Variants in H2AC4 observed in about 807,000 individuals in gnomAD.
The protein encoded by H2AC4 is histone H2A type 1-B/E.
Under a neutral mutation model 6.1 loss-of-function variants are expected in H2AC4, and 8 were observed. That is an observed-to-expected ratio of 1.31 (90% CI 0.77 to 2.36). H2AC4 has a LOEUF of 2.36. H2AC4 is among the 30% of genes most tolerant of loss of function. The pLI is 0.00. For synonymous variants in H2AC4, 129 were observed against 78.4 expected, an observed-to-expected ratio of 1.64 and a Z score of -3.41; for missense variants, 260 against 180.4, an observed-to-expected ratio of 1.44 and a Z score of -2.53.
At position 26,033,569 on chromosome 6, in the gene H2AC4, A is replaced by T. The variant is rs147399529; in HGVS notation, c.-1T>A. 3.7e-4 allele frequency: 573 copies of T among 1,528,438 alleles called. 4 individuals are homozygous for T. Among genetic ancestry groups the T allele is most frequent in the Middle Eastern group, 2.4e-3 (14 of 5,922 alleles). The allele number at this position is 1,528,438 out of a possible 1,614,324, so 94.7% of individuals were successfully genotyped here. On this transcript the variant is annotated 5_prime_UTR_variant, in exon 1 of 1. Transcript: ENST00000615868. ...CGCCTTGTTTGCCGCGACCAGACATAACTACTTCTGATAAGGGAAAATCGC... is the reference window on the plus strand; with the variant it reads ...CGCCTTGTTTGCCGCGACCAGACATTACTACTTCTGATAAGGGAAAATCGC...
At position 26,033,538 on chromosome 6, in the gene H2AC4, C is replaced by A. The variant is rs765574499; in HGVS notation, c.31G>T (p.Ala11Ser). ...GACCGAGTCTTAGCCTTGGCGCGAG[C>A]TTTACCGCCTTGTTTGCCGCGACCA... The part of the protein sequence containing the change: MSGRGKQGGK[A>S]RAKAKTRSSR... The change falls in exon 1 of 1, where the codon GCT (alanine) becomes TCT (serine). Residue 11 changes from alanine (A) to serine (S), a missense_variant. Transcript: ENST00000615868. 6 of 1,613,204 alleles carry A rather than the reference C, an allele frequency of 3.7e-6. No individual in the cohort carries two copies. The South Asian group carries it at 4.4e-5, about 12-fold the overall frequency.
rs550846028 is a variant in H2AC4 at position 26,033,227 on chromosome 6, C to T, written c.342G>A (p.Ala114=). 5.0e-6 allele frequency: 8 copies of T among 1,614,080 alleles called. 1 individual carries two copies. In the African/African-American group the frequency reaches 5.3e-5, roughly 11 times the overall value. Residue 114 remains alanine, a synonymous_variant, in exon 1 of 1, where the codon GCG becomes GCA. Transcript: ENST00000615868. ...AQGGVLPNIQ[A]VLLPKKTESH... The stretch of plus-strand genomic sequence containing the variant: ...TCTCAGTTTTCTTAGGCAGCAGCAC[C>T]GCCTGAATATTAGGCAAAACGCCAC...
rs1466098870 is a variant in H2AC4, at chr6:26,033,308, G to A, written c.261C>T (p.Ala87=). ...TRIIPRHLQL[A]IRNDEELNKL... ...TATTAAGCTCCTCGTCATTGCGGAT[G>A]GCCAATTGCAGGTGGCGCGGGATGA... Residue 87 remains alanine (A), a synonymous_variant, in exon 1 of 1, where the codon GCC becomes GCT. Transcript: ENST00000615868. The A allele has an allele frequency of 3.7e-6, 6 of 1,614,138 alleles. No individual in the cohort carries two copies. Among genetic ancestry groups the A allele is most frequent in the Admixed American group, 1.7e-5 (1 of 60,022 alleles).
At position 26,033,118 on chromosome 6, in the gene H2AC4, C is replaced by A; in HGVS notation, c.*58G>T. 1 of 1,595,490 alleles carries A rather than the reference C, an allele frequency of 6.3e-7. No homozygotes were observed. Among genetic ancestry groups the A allele is most frequent in the South Asian group, 1.1e-5 (1 of 88,554 alleles). ...TAGGTGGCTCTGAAAAGAGCCTTTG[C>A]TGTTAGGCTGATTTTGTCTGCTGAC... On this transcript the variant is annotated 3_prime_UTR_variant, in exon 1 of 1. Transcript: ENST00000615868.
In H2AC4 at chr6:26,033,328, G is replaced by A; in HGVS notation, c.241C>T (p.Pro81Ser). The A allele has an allele frequency of 1.2e-6, 2 of 1,614,118 alleles. No homozygotes were observed. Among genetic ancestry groups the A allele is most frequent in the Non-Finnish European group, 1.7e-6 (2 of 1,180,024 alleles). The change falls in exon 1 of 1, where the codon CCG becomes TCG. Residue 81 changes from proline to serine, a missense_variant. Transcript: ENST00000615868. The part of the protein sequence containing the change: ...ARDNKKTRII[P>S]RHLQLAIRND... ...CGGATGGCCAATTGCAGGTGGCGCG[G>A]GATGATGCGGGTCTTCTTGTTGTCG...
chr6:26,033,332 G>A lies in H2AC4; in HGVS notation c.237C>T (p.Ile79=), dbSNP rs773874129. The A allele has an allele frequency of 2.5e-6, 4 of 1,614,122 alleles. No homozygotes were observed. The highest frequency in any genetic ancestry group is 2.5e-6 in the Non-Finnish European group (3 of 1,180,026). ...TGGCCAATTGCAGGTGGCGCGGGAT[G>A]ATGCGGGTCTTCTTGTTGTCGCGGG... ...NAARDNKKTR[I]IPRHLQLAIR... is the part of the protein sequence containing the mutation. The change falls in exon 1 of 1, where the codon ATC becomes ATT. Residue 79 remains isoleucine (I), a synonymous_variant. Coordinates refer to ENST00000615868, the MANE Select transcript of H2AC4 (RefSeq NM_003513.3).
At position 26,033,275 on chromosome 6, in the gene H2AC4, C is replaced by A. The variant is rs1407533118; in HGVS notation, c.294G>T (p.Leu98Phe). 1.2e-6 allele frequency: 2 copies of A among 1,614,146 alleles called. No individual in the cohort carries two copies. Among genetic ancestry groups the A allele is most frequent in the Non-Finnish European group, 1.7e-6 (2 of 1,180,034 alleles). ...CACCCTGCGCGATGGTCACACGCCCCAAGAGTTTATTAAGCTCCTCGTCAT... is the reference window on the plus strand; with the variant it reads ...CACCCTGCGCGATGGTCACACGCCCAAAGAGTTTATTAAGCTCCTCGTCAT... ...IRNDEELNKL[L>F]GRVTIAQGGV... Residue 98 changes from leucine to phenylalanine, a missense_variant, in exon 1 of 1, where the codon TTG becomes TTT. Leu to Phe is a conservative substitution (Grantham distance 22, BLOSUM62 0). Transcript: ENST00000615868.
rs201179274 is a variant in H2AC4, at chr6:26,033,446, G to A, written c.123C>T (p.Ser41=). Residue 41 remains serine (S), a synonymous_variant, in exon 1 of 1, where the codon TCC becomes TCT. Coordinates refer to ENST00000615868, the MANE Select transcript of H2AC4 (RefSeq NM_003513.3). ...VHRLLRKGNY[S]ERVGAGAPVY... ...CCGGCGCGCCAGCCCCGACGCGCTC[G>A]GAGTAGTTGCCTTTGCGGAGCAGGC... The A allele has an allele frequency of 2.2e-5, 35 of 1,614,192 alleles. No individual in the cohort carries two copies. The East Asian group carries it at 7.1e-4, about 33-fold the overall frequency.
In H2AC4 at chr6:26,033,304, G is replaced by A. The variant is rs755950046; in HGVS notation, c.265C>T (p.Arg89Cys). Residue 89 changes from arginine (R) to cysteine (C), a missense_variant, in exon 1 of 1, where the codon CGC becomes TGC. Transcript: ENST00000615868. Reference protein sequence around the residue: ...IIPRHLQLAIRNDEELNKLLG... With the variant: ...IIPRHLQLAICNDEELNKLLG... ...AGTTTATTAAGCTCCTCGTCATTGC[G>A]GATGGCCAATTGCAGGTGGCGCGGG... 1.9e-6 allele frequency: 3 copies of A among 1,614,146 alleles called. No homozygotes were observed. The highest frequency in any genetic ancestry group is 2.5e-6 in the Non-Finnish European group (3 of 1,180,028).
rs1554147562 is a variant in H2AC4 at position 26,033,200 on chromosome 6, G to A, written c.369C>T (p.Ser123=). Residue 123 remains serine (S), a synonymous_variant, in exon 1 of 1, where the codon AGC becomes AGT. Transcript: ENST00000615868. ...TTCACTTTCCCTTGGCCTTATGATG[G>A]CTCTCAGTTTTCTTAGGCAGCAGCA... The part of the protein sequence containing the change: ...QAVLLPKKTE[S]HHKAKGK 6.2e-7 allele frequency: 1 copy of A among 1,614,168 alleles called. No homozygotes were observed. The highest frequency in any genetic ancestry group is 2.2e-5 in the East Asian group (1 of 44,886).
chr6:26,033,579 G>GACA lies in H2AC4; in HGVS notation c.-12_-11insTGT, dbSNP rs1554147661. On this transcript the variant is annotated 5_prime_UTR_variant, in exon 1 of 1. Coordinates refer to ENST00000615868, the MANE Select transcript of H2AC4 (RefSeq NM_003513.3). ...GCCGCGACCAGACATAACTACTTCT[G>GACA]ATAAGGGAAAATCGCCACAAGAAAA... 2 of 1,489,628 alleles carry GACA rather than the reference G, an allele frequency of 1.3e-6. No homozygotes were observed. Among genetic ancestry groups the GACA allele is most frequent in the Non-Finnish European group, 1.8e-6 (2 of 1,125,024 alleles). 92.3% of individuals were successfully genotyped at this position (1,489,628 alleles called of 1,614,324 possible).
rs1357990642 is a variant in H2AC4, at chr6:26,033,459, T to TA, written c.109_110insT (p.Lys37IlefsTer21). 2 of 1,614,056 alleles carry TA rather than the reference T, an allele frequency of 1.2e-6. No individual in the cohort carries two copies. On this transcript the variant is annotated frameshift_variant, in exon 1 of 1. Transcript: ENST00000615868. LOFTEE classifies it high-confidence loss of function. ...CCCGACGCGCTCGGAGTAGTTGCCT[T>TA]TGCGGAGCAGGCGGTGCACTCGGCC...
At position 26,033,107 on chromosome 6, in the gene H2AC4, AAG is replaced by A. The variant is rs1761495158; in HGVS notation, c.*67_*68del. 3.8e-6 allele frequency: 6 copies of A among 1,571,174 alleles called. No individual in the cohort carries two copies. Among genetic ancestry groups the A allele is most frequent in the Non-Finnish European group, 3.5e-6 (4 of 1,155,688 alleles). On this transcript the variant is annotated 3_prime_UTR_variant, in exon 1 of 1. Coordinates refer to ENST00000615868, the MANE Select transcript of H2AC4 (RefSeq NM_003513.3). ...AATGGAAGTCGTAGGTGGCTCTGAA[AAG>A]AGCCTTTGCTGTTAGGCTGATTTTG...
chr6:26,033,254 C>G lies in H2AC4; in HGVS notation c.315G>C (p.Gln105His). Residue 105 changes from glutamine (Q) to histidine (H), a missense_variant, in exon 1 of 1, where the codon CAG becomes CAC. Transcript: ENST00000615868. Reference protein sequence around the residue: ...NKLLGRVTIAQGGVLPNIQAV... With the variant: ...NKLLGRVTIAHGGVLPNIQAV... ...CCTGAATATTAGGCAAAACGCCACCCTGCGCGATGGTCACACGCCCCAAGA... is the reference window on the plus strand; with the variant it reads ...CCTGAATATTAGGCAAAACGCCACCGTGCGCGATGGTCACACGCCCCAAGA... The G allele has an allele frequency of 6.2e-7, 1 of 1,614,190 alleles. No homozygotes were observed. The highest frequency in any genetic ancestry group is 8.5e-7 in the Non-Finnish European group (1 of 1,180,020).
rs1181783331 is a variant in H2AC4, at chr6:26,033,406, C to A, written c.163G>T (p.Val55Leu). 6.2e-7 allele frequency: 1 copy of A among 1,613,980 alleles called. No homozygotes were observed. Among genetic ancestry groups the A allele is most frequent in the Non-Finnish European group, 8.5e-7 (1 of 1,179,928 alleles). Residue 55 changes from valine to leucine, a missense_variant, in exon 1 of 1, where the codon GTG becomes TTG. Physicochemically the swap from Val to Leu is conservative, Grantham distance 32. Coordinates refer to ENST00000615868, the MANE Select transcript of H2AC4 (RefSeq NM_003513.3). The stretch of plus-strand genomic sequence containing the variant: ...ATCTCGGCGGTCAGGTACTCAAGCA[C>A]CGCCGCGAGATACACCGGCGCGCCA... Reference protein sequence around the residue: ...GAGAPVYLAAVLEYLTAEILE... With the variant: ...GAGAPVYLAALLEYLTAEILE...
chr6:26,033,329 G>A lies in H2AC4; in HGVS notation c.240C>T (p.Ile80=), dbSNP rs147415971. ...GGATGGCCAATTGCAGGTGGCGCGG[G>A]ATGATGCGGGTCTTCTTGTTGTCGC... ...AARDNKKTRI[I]PRHLQLAIRN... is the part of the protein sequence containing the mutation. The change falls in exon 1 of 1, where the codon ATC becomes ATT. Residue 80 remains isoleucine, a synonymous_variant. Transcript: ENST00000615868. 1.8e-4 allele frequency: 287 copies of A among 1,614,004 alleles called. No individual in the cohort carries two copies. The highest frequency in any genetic ancestry group is 2.7e-4 in the Admixed American group (16 of 60,002).
rs1411183486 is a variant in H2AC4, at chr6:26,033,528, T to C, written c.41A>G (p.Lys14Arg). 1 of 1,613,976 alleles carries C rather than the reference T, an allele frequency of 6.2e-7. No individual in the cohort carries two copies. Among genetic ancestry groups the C allele is most frequent in the Admixed American group, 1.7e-5 (1 of 59,960 alleles). ...RGKQGGKARA[K>R]AKTRSSRAGL... ...TGCACGAGAAGACCGAGTCTTAGCC[T>C]TGGCGCGAGCTTTACCGCCTTGTTT... is the stretch of plus-strand genomic sequence containing the variant. The change falls in exon 1 of 1, where the codon AAG (lysine) becomes AGG (arginine). Residue 14 changes from lysine to arginine, a missense_variant. By Grantham distance (26) the Lys-to-Arg change is conservative. Transcript: ENST00000615868.
In H2AC4 at chr6:26,033,296, G is replaced by C; in HGVS notation, c.273C>G (p.Asp91Glu). Reference protein sequence around the residue: ...PRHLQLAIRNDEELNKLLGRV... With the variant: ...PRHLQLAIRNEEELNKLLGRV... ...GCCCCAAGAGTTTATTAAGCTCCTCGTCATTGCGGATGGCCAATTGCAGGT... is the reference window on the plus strand; with the variant it reads ...GCCCCAAGAGTTTATTAAGCTCCTCCTCATTGCGGATGGCCAATTGCAGGT... The change falls in exon 1 of 1, where the codon GAC becomes GAG. Residue 91 changes from aspartate (D) to glutamate (E), a missense_variant. Transcript: ENST00000615868. The C allele has an allele frequency of 1.2e-5, 19 of 1,614,114 alleles. No individual in the cohort carries two copies. The highest frequency in any genetic ancestry group is 1.6e-5 in the Non-Finnish European group (19 of 1,180,030).
Position 26,033,258 on chromosome 6 carries a change from G to T in H2AC4, c.311C>A (p.Ala104Glu). Reference protein sequence around the residue: ...LNKLLGRVTIAQGGVLPNIQA... With the variant: ...LNKLLGRVTIEQGGVLPNIQA... ...AATATTAGGCAAAACGCCACCCTGC[G>T]CGATGGTCACACGCCCCAAGAGTTT... The change falls in exon 1 of 1, where the codon GCG becomes GAG. Residue 104 changes from alanine (A) to glutamate (E), a missense_variant. Transcript: ENST00000615868. 1 of 1,614,150 alleles carries T rather than the reference G, an allele frequency of 6.2e-7. No individual in the cohort carries two copies. The highest frequency in any genetic ancestry group is 8.5e-7 in the Non-Finnish European group (1 of 1,180,034).
Sources: allele counts gnomAD v4.1 joint callset, GRCh38; gene constraint gnomAD v4.1.1; transcripts MANE v1.5; gene names NCBI Gene and HGNC (gene_info 2026-07-23, HGNC 2026-07-21).